GTSE1: variants seen among roughly 807,000 people sequenced by gnomAD.
GTSE1 encodes the protein G2 and S phase-expressed protein 1.
Under a neutral mutation model 60.5 loss-of-function variants are expected in GTSE1, and 52 were observed. The observed-to-expected ratio is 0.86, with a 90% CI of 0.69 to 1.08. The LOEUF (loss-of-function observed/expected upper bound fraction) is 1.08, where lower values mean the gene tolerates loss of function less well. GTSE1 is among the 50% of genes least tolerant of loss of function. The pLI is 0.00. For missense variants in GTSE1, 937 were observed against 961.8 expected, an observed-to-expected ratio of 0.97 and a Z score of 0.34; for synonymous variants, 368 against 386.5, an observed-to-expected ratio of 0.95 and a Z score of 0.56.
chr22:46,319,972 G>A lies in GTSE1; in HGVS notation c.1433-3218G>A, dbSNP rs1290968043. 1.3e-5 allele frequency among the ~76,000 whole-genome samples: 2 copies of A among 148,878 alleles called. No homozygotes were observed. Among genetic ancestry groups the A allele is most frequent in the Non-Finnish European group, 3.0e-5 (2 of 67,566 alleles). ...TGCACTCCAGCCTGGGCGACAGAAC[G>A]AGACTGTCTCAAAAAAAAAAAAAAG... On this transcript the variant is annotated intron_variant, in intron 7 of 11. Coordinates refer to ENST00000454366, the MANE Select transcript of GTSE1 (RefSeq NM_016426.7). The surrounding 1 kb of genome is among the most constrained non-coding windows in gnomAD (Gnocchi z 5.0).
intron 2 of GTSE1, among the ~76,000 whole-genome samples, chr22:46,298,658 C>T (rs2077671849): frequency 6.6e-6 from 1 of 152,176 alleles, no homozygotes; most frequent in Non-Finnish European, 1.5e-5. Flanking sequence ...GGAGACTTTA[C>T]AAATCAATGT....
intron 2 of GTSE1, among the ~76,000 whole-genome samples, chr22:46,303,691 G>A (rs528946972): frequency 6.6e-6 from 1 of 152,324 alleles, no homozygotes; most frequent in African/African-American, 2.4e-5. Flanking sequence ...TCGTAGGTGT[G>A]CTATTCATGA....
In GTSE1 at chr22:46,319,378, G is replaced by A. The variant is rs1466288041; in HGVS notation, c.1432+2966G>A. 6.6e-6 allele frequency among the ~76,000 whole-genome samples: 1 copy of A among 152,172 alleles called. No individual in the cohort carries two copies. Among genetic ancestry groups the A allele is most frequent in the African/African-American group, 2.4e-5 (1 of 41,436 alleles). On this transcript the variant is annotated intron_variant, in intron 7 of 11. Transcript: ENST00000454366. The surrounding 1 kb of genome is among the most constrained non-coding windows in gnomAD (Gnocchi z 5.0). ...GACCTGGCCCTCACTGTGTTGGGGA[G>A]GAAGCTAGTGCTGGGGAAGGAGGCT...
intron 2 of GTSE1, among the ~76,000 whole-genome samples, chr22:46,301,619 C>T (rs1023968584): frequency 2.6e-5 from 4 of 151,784 alleles, no homozygotes; most frequent in African/African-American, 9.7e-5. Flanking sequence ...TCCCAAGTAG[C>T]TGGGATTACA....
chr22:46,310,735 C>CG lies in GTSE1; in HGVS notation c.763-1406_763-1405insG, dbSNP rs552820204. Among the ~76,000 whole-genome samples, 48 of 152,314 alleles carry CG rather than the reference C, an allele frequency of 3.2e-4. No homozygotes were observed. The highest frequency in any genetic ancestry group is 1.1e-3 in the African/African-American group (45 of 41,570). On this transcript the variant is annotated intron_variant, in intron 4 of 11. Transcript: ENST00000454366. This position sits in a 1 kb window ranked among gnomAD's most constrained non-coding sequence, Gnocchi z 4.4. ...CCTGAGGTCAGGAGTTTGAGCCCAG[C>CG]CCGGCCAACATGGTGAAACCCCGTC...
chr22:46,323,142 TC>T, intron 7 of GTSE1, 47 bp from the exon 8 acceptor site: 1 of 1,210,790 alleles, frequency 8.3e-7, no homozygotes, highest in Non-Finnish European at 1.2e-6. Flanking sequence ...ACAGTAGGTC[TC>T]CCCCTGATCA....
At position 46,318,745 on chromosome 22, in the gene GTSE1, G is replaced by A. The variant is rs1456769707; in HGVS notation, c.1432+2333G>A. On this transcript the variant is annotated intron_variant, in intron 7 of 11. Coordinates refer to ENST00000454366, the MANE Select transcript of GTSE1 (RefSeq NM_016426.7). This position sits in a 1 kb window ranked among gnomAD's most constrained non-coding sequence, Gnocchi z 4.8. ...GGACGTGCTCTGGGAGCAGCATGGG[G>A]GCCGGAGGGTGGGAGTGCAGCCGCT... 3.3e-5 allele frequency among the ~76,000 whole-genome samples: 5 copies of A among 152,150 alleles called. No homozygotes were observed. Among genetic ancestry groups the A allele is most frequent in the Non-Finnish European group, 1.5e-5 (1 of 68,022 alleles).
In GTSE1 at chr22:46,326,663, C is replaced by T. The variant is rs6008700; in HGVS notation, c.1724+9C>T. The stretch of plus-strand genomic sequence containing the variant: ...AAGAACTCTGCAATGAGGTAAGACA[C>T]GAAGGTGGTAATAAATTGGTCTCAA... On this transcript the variant is annotated intron_variant, in intron 9 of 11. Transcript: ENST00000454366. The T allele has an allele frequency of 0.15, 229,478 of 1,573,052 alleles. 23,953 individuals carry two copies. The highest frequency in any genetic ancestry group is 0.54 in the African/African-American group (39,968 of 74,076).
rs1462392831 is a variant in GTSE1 at position 46,314,845 on chromosome 22, C to T, written c.1051+832C>T. 2.8e-5 allele frequency among the ~76,000 whole-genome samples: 4 copies of T among 142,192 alleles called. No homozygotes were observed. Among genetic ancestry groups the T allele is most frequent in the South Asian group, 2.1e-4 (1 of 4,656 alleles). The allele number at this position is 142,192 out of a possible 152,430, so 93.3% of individuals were successfully genotyped here. ...GAGCCGAGATTGCATCACTGCACTC[C>T]GTCTCAAAAAAAAAAAAAAAAATGA... is the stretch of plus-strand genomic sequence containing the variant. On this transcript the variant is annotated intron_variant, in intron 6 of 11. Coordinates refer to ENST00000454366, the MANE Select transcript of GTSE1 (RefSeq NM_016426.7). The surrounding 1 kb of genome is among the most constrained non-coding windows in gnomAD (Gnocchi z 7.1).
At chr22:46,326,178 T>C (rs11704195) in intron 8 of GTSE1, among the ~76,000 whole-genome samples, 5,189 of 152,362 alleles carry the variant, frequency 0.034, 109 homozygotes, top group Non-Finnish European at 0.053. Flanking sequence ...CAATTTTCTT[T>C]TGAGTTGCCT....
chr22:46,328,339 G>C (rs2077855521), intron 9 of GTSE1, among the ~76,000 whole-genome samples: 1 of 152,246 alleles, frequency 6.6e-6, no homozygotes, highest in African/African-American at 2.4e-5. Flanking sequence ...CTAGCTGCAT[G>C]CGAGGAGGAG....
rs1601912794 is a variant in GTSE1, at chr22:46,319,469, C to T, written c.1432+3057C>T. Among the ~76,000 whole-genome samples, 11 of 152,192 alleles carry T rather than the reference C, an allele frequency of 7.2e-5. No individual in the cohort carries two copies. The stretch of plus-strand genomic sequence containing the variant: ...TCATGTGGCAGTGCAGAGAGGGACT[C>T]GAGTGTCCCTGAGGTTCTGGCGGAA... On this transcript the variant is annotated intron_variant, in intron 7 of 11. Coordinates refer to ENST00000454366, the MANE Select transcript of GTSE1 (RefSeq NM_016426.7). The surrounding 1 kb of genome is among the most constrained non-coding windows in gnomAD (Gnocchi z 5.0).
chr22:46,330,042 T>A lies in GTSE1; in HGVS notation c.2137-5T>A. 1 of 1,592,676 alleles carries A rather than the reference T, an allele frequency of 6.3e-7. No homozygotes were observed. ...GCTCACCTCCTCCACTCTGCTCTCTTCCAGCTCATAGACCTGAGCTCCCCT... is the reference window on the plus strand; with the variant it reads ...GCTCACCTCCTCCACTCTGCTCTCTACCAGCTCATAGACCTGAGCTCCCCT... On this transcript the variant is annotated splice_region_variant and splice_polypyrimidine_tract_variant and intron_variant, in intron 11 of 11. Transcript: ENST00000454366. The surrounding 1 kb of genome is among the most constrained non-coding windows in gnomAD (Gnocchi z 6.0).
chr22:46,324,232 G>A lies in GTSE1; in HGVS notation c.1505+970G>A, dbSNP rs1009835800. Among the ~76,000 whole-genome samples the A allele has an allele frequency of 1.3e-5, 2 of 152,184 alleles. No homozygotes were observed. Among genetic ancestry groups the A allele is most frequent in the African/African-American group, 4.8e-5 (2 of 41,448 alleles). The stretch of plus-strand genomic sequence containing the variant: ...GCGCATGGTGCCATGCTAAGCTGCC[G>A]TCCCTCCCATGCATGGTGGTGAAGA... On this transcript the variant is annotated intron_variant, in intron 8 of 11. Coordinates refer to ENST00000454366, the MANE Select transcript of GTSE1 (RefSeq NM_016426.7). The surrounding 1 kb of genome is among the most constrained non-coding windows in gnomAD (Gnocchi z 5.2).
rs2077800661 is a variant in GTSE1 at position 46,319,584 on chromosome 22, G to T, written c.1432+3172G>T. On this transcript the variant is annotated intron_variant, in intron 7 of 11. Transcript: ENST00000454366. The surrounding 1 kb of genome is among the most constrained non-coding windows in gnomAD (Gnocchi z 5.0). The stretch of plus-strand genomic sequence containing the variant: ...ATTTTGGAAGTAGTGAGGGTGAGAG[G>T]CCACTTAGGCTGCAGCTGAGGGGTG... Among the ~76,000 whole-genome samples, 1 of 148,666 alleles carries T rather than the reference G, an allele frequency of 6.7e-6. No individual in the cohort carries two copies. The highest frequency in any genetic ancestry group is 1.5e-5 in the Non-Finnish European group (1 of 68,018).
intron 8 of GTSE1, among the ~76,000 whole-genome samples, chr22:46,325,015 C>T (rs12168539): frequency 0.021 from 3,204 of 152,208 alleles, 116 homozygotes; most frequent in African/African-American, 0.073. Flanking sequence ...CTATAACAAA[C>T]GTTCTATCGA....
At position 46,297,237 on chromosome 22, in the gene GTSE1, A is replaced by G; in HGVS notation, c.-21-143A>G. ...CCCTGGGGTCCCCTGGGATGCGATC[A>G]TTTCAGAGCGGCCCCCGCGCCGCCT... On this transcript the variant is annotated intron_variant, in intron 1 of 11. Transcript: ENST00000454366. The surrounding 1 kb of genome is among the most constrained non-coding windows in gnomAD (Gnocchi z 4.9). 1 of 620,848 alleles carries G rather than the reference A, an allele frequency of 1.6e-6. No individual in the cohort carries two copies. Among genetic ancestry groups the G allele is most frequent in the Non-Finnish European group, 2.9e-6 (1 of 349,936 alleles). The allele number at this position is 620,848 out of a possible 1,614,324, so 38.5% of individuals were successfully genotyped here.
chr22:46,317,323 T>C lies in GTSE1; in HGVS notation c.1432+911T>C, dbSNP rs1601911440. On this transcript the variant is annotated intron_variant, in intron 7 of 11. Transcript: ENST00000454366. This position sits in a 1 kb window ranked among gnomAD's most constrained non-coding sequence, Gnocchi z 5.6. ...GTTTCTGTTGTCAGATATCATTTCTTCTGCAGTGCCTAACAGCTGTGAAGC... is the reference window on the plus strand; with the variant it reads ...GTTTCTGTTGTCAGATATCATTTCTCCTGCAGTGCCTAACAGCTGTGAAGC... Among the ~76,000 whole-genome samples the C allele has an allele frequency of 1.3e-5, 2 of 152,302 alleles. No individual in the cohort carries two copies. The highest frequency in any genetic ancestry group is 4.1e-4 in the South Asian group (2 of 4,826).
In GTSE1 at chr22:46,312,010, G is replaced by A. The variant is rs6008612; in HGVS notation, c.763-131G>A. 0.16 allele frequency: 108,731 copies of A among 692,302 alleles called. 15,091 individuals carry two copies. The highest frequency in any genetic ancestry group is 0.59 in the African/African-American group (32,934 of 55,790). 42.9% of individuals were successfully genotyped at this position (692,302 alleles called of 1,614,324 possible). A position where few individuals can be genotyped will look rare whatever the true frequency, so the allele number is the denominator to read the frequency against. On this transcript the variant is annotated intron_variant, in intron 4 of 11. Coordinates refer to ENST00000454366, the MANE Select transcript of GTSE1 (RefSeq NM_016426.7). ...CTGCTTGCCCTGTTCCCTTCAATCT[G>A]GCTGATGAATGGAGGGGCATGTGTA...
Sources: allele counts gnomAD v4.1 joint callset (sites outside exome capture counted in the v4.1 genomes callset), GRCh38; gene constraint gnomAD v4.1.1; non-coding constraint Gnocchi (gnomAD v3.1); transcripts MANE v1.5; gene names NCBI Gene and HGNC (gene_info 2026-07-23, HGNC 2026-07-21).